The following PELP1 variants were observed in gnomAD, a reference collection of about 807,000 sequenced individuals.
PELP1 encodes proline-, glutamic acid- and leucine-rich protein 1.
PELP1 carries 32 observed loss-of-function variants against 95.5 expected under a neutral mutation model. That is an observed-to-expected ratio of 0.34 (90% CI 0.25 to 0.45). PELP1 has a LOEUF of 0.45. Ranked by LOEUF, PELP1 falls within the 20% of genes least tolerant of loss-of-function variation. PELP1 has a pLI of 1.00. For missense variants in PELP1, 1,358 were observed against 1,444.8 expected, an observed-to-expected ratio of 0.94 and a Z score of 0.97; for synonymous variants, 668 against 600.1, an observed-to-expected ratio of 1.11 and a Z score of -1.65.
rs978807448 is a variant in PELP1 at position 4,704,026 on chromosome 17, G to C, written c.86C>G (p.Ser29Trp). The change falls in exon 1 of 17, where the codon TCG becomes TGG. Residue 29 changes from serine to tryptophan, a missense_variant. Ser to Trp is a radical substitution (Grantham distance 177). Around this residue, in one of 7 missense-constraint regions of PELP1, gnomAD observed 169 missense variants for 134.9 expected, o/e 1.25. Transcript: ENST00000572293. ...CAGCAGCAGGCGGAGCCGCGGGCCC[G>C]AGCTCACTGCCGAGAGACCCCCGGT... The part of the protein sequence containing the change: ...GGTGGLSAVS[S>W]GPRLRLLLLE... 3 of 1,613,014 alleles carry C rather than the reference G, an allele frequency of 1.9e-6. No individual in the cohort carries two copies. Among genetic ancestry groups the C allele is most frequent in the Non-Finnish European group, 2.5e-6 (3 of 1,179,718 alleles).
chr17:4,703,706 C>T (rs1276646517), intron 1 of PELP1, among the ~76,000 whole-genome samples, 157 bp downstream of exon 1: 1 of 152,174 alleles, frequency 6.6e-6, no homozygotes, highest in Admixed American at 6.5e-5. Context: ...AGGAGAAATA[C>T]GTGCATCCCG....
intron 1 of PELP1, among the ~76,000 whole-genome samples, chr17:4,694,533 G>A (rs1032352630): frequency 1.0e-4 from 13 of 127,674 alleles, no homozygotes; most frequent in South Asian, 2.6e-4. Context: ...GGTGGCAGGC[G>A]CCTGTAATCC....
intron 4 of PELP1, 30 bp from the exon 5 acceptor site, chr17:4,682,603 G>A (rs746800427): frequency 6.4e-7 from 1 of 1,566,650 alleles, no homozygotes; most frequent in African/African-American, 1.4e-5. Flanking sequence ...AGAAACGAGA[G>A]GCTGCGAGCA....
intron 1 of PELP1, among the ~76,000 whole-genome samples, chr17:4,695,476 G>A (rs1364155803): frequency 6.6e-6 from 1 of 151,666 alleles, no homozygotes; most frequent in Non-Finnish European, 1.5e-5. Flanking sequence ...ACCAGCCTGG[G>A]CAACACAGAG....
intron 1 of PELP1, among the ~76,000 whole-genome samples, chr17:4,699,161 C>T (rs1310035796): frequency 2.6e-5 from 4 of 152,076 alleles, no homozygotes; most frequent in African/African-American, 7.2e-5. Context: ...GGGCGGATCA[C>T]GAGGTCAGGA....
rs72835643 is a variant in PELP1, at chr17:4,670,317, G to A, written c.*1122C>T. The A allele has an allele frequency of 0.17, 25,511 of 152,114 alleles. 2,581 individuals carry two copies. Among genetic ancestry groups the A allele is most frequent in the Middle Eastern group, 0.24 (71 of 294 alleles). 9.4% of individuals were successfully genotyped at this position (152,114 alleles called of 1,614,324 possible). Reference sequence around the variant, plus strand: ...CAACTGACTGAGCAAAAAAAACCACGGGGCCCCTAGTTCAAGCCCACCAAT... The same window carrying A: ...CAACTGACTGAGCAAAAAAAACCACAGGGCCCCTAGTTCAAGCCCACCAAT... On this transcript the variant is annotated 3_prime_UTR_variant, in exon 17 of 17. Transcript: ENST00000572293.
chr17:4,689,245 A>G (rs372608369), intron 3 of PELP1, among the ~76,000 whole-genome samples: 3 of 152,236 alleles, frequency 2.0e-5, no homozygotes, highest in African/African-American at 4.8e-5. Context: ...ATTCTAGAAG[A>G]TAACATCAGA....
chr17:4,671,583 A>G, intron 16 of PELP1, 52 bp from the exon 17 acceptor site: 1 of 1,610,410 alleles, frequency 6.2e-7, no homozygotes, highest in Non-Finnish European at 8.5e-7. Context: ...ACATACACAG[A>G]AGAATGGTTC....
chr17:4,674,728 C>G (rs1912384343), intron 12 of PELP1, 59 bp from the exon 13 acceptor site: 2 of 1,587,758 alleles, frequency 1.3e-6, no homozygotes, highest in East Asian at 2.2e-5. Context: ...AAGACAGCCA[C>G]AGCAGACAGT....
In PELP1 at chr17:4,675,722, C is replaced by T. The variant is rs1417326436; in HGVS notation, c.1068+75G>A. Reference sequence around the variant, plus strand: ...TCCAGGATGACACTGTTTGGGGAGACTCAGGTCCCCAGTACTTTCCTGGTT... The same window carrying T: ...TCCAGGATGACACTGTTTGGGGAGATTCAGGTCCCCAGTACTTTCCTGGTT... On this transcript the variant is annotated intron_variant, in intron 9 of 16. Transcript: ENST00000572293. This position sits in a 1 kb window ranked among gnomAD's most constrained non-coding sequence, Gnocchi z 4.3. 4 of 1,069,220 alleles carry T rather than the reference C, an allele frequency of 3.7e-6. No homozygotes were observed. The South Asian group carries it at 5.4e-5, about 14-fold the overall frequency. The allele number at this position is 1,069,220 out of a possible 1,614,324, so 66.2% of individuals were successfully genotyped here. A position where few individuals can be genotyped will look rare whatever the true frequency, so the allele number is the denominator to read the frequency against.
chr17:4,677,175 C>T (rs1912515990), intron 5 of PELP1, among the ~76,000 whole-genome samples: 1 of 152,086 alleles, frequency 6.6e-6, no homozygotes, highest in Non-Finnish European at 1.5e-5. Flanking sequence ...CACACAAAAA[C>T]GAGGGTCCAA....
rs747699527 is a variant in PELP1, at chr17:4,672,172, CCTT to C, written c.2816_2818del (p.Glu939del). ...CTCTTCTTCTTCTTCCTCTAACTCA[CCTT>C]CTTCTTCCTCAAATTCTTCCTCAAA... On this transcript the variant is annotated inframe_deletion, in exon 16 of 17. Coordinates refer to ENST00000572293, the MANE Select transcript of PELP1 (RefSeq NM_014389.3). 6.9e-5 allele frequency: 107 copies of C among 1,551,988 alleles called. 1 individual carries two copies. The highest frequency in any genetic ancestry group is 4.6e-4 in the South Asian group (39 of 84,060).
intron 13 of PELP1, among the ~76,000 whole-genome samples, chr17:4,674,172 C>T (rs1324525088): frequency 6.6e-6 from 1 of 152,226 alleles, no homozygotes; most frequent in East Asian, 1.9e-4. Flanking sequence ...ACGTGCTGAA[C>T]GCCGGAGGAA....
chr17:4,674,828 G>A lies in PELP1; in HGVS notation c.1403C>T (p.Pro468Leu), dbSNP rs1178449857. The change falls in exon 12 of 17, where the codon CCG becomes CTG. Residue 468 changes from proline to leucine, a missense_variant. By Grantham distance (98) the Pro-to-Leu change is moderately conservative. Transcript: ENST00000572293. ...LLTHLLSDIS[P>L]PADALKLRSP... is the part of the protein sequence containing the mutation. The stretch of plus-strand genomic sequence containing the variant: ...CCTCACCTTAAGGGCATCAGCTGGC[G>A]GGGAGATGTCGCTGAGCAGGTGGGT... The A allele has an allele frequency of 5.3e-5, 85 of 1,612,374 alleles. No individual in the cohort carries two copies. Among genetic ancestry groups the A allele is most frequent in the Non-Finnish European group, 6.7e-5 (79 of 1,179,182 alleles).
At chr17:4,702,276 G>T (rs998077797) in intron 1 of PELP1, among the ~76,000 whole-genome samples, 7 of 152,018 alleles carry the variant, frequency 4.6e-5, no homozygotes, top group Non-Finnish European at 7.4e-5. Flanking sequence ...AAAATTAGCC[G>T]GGCATGGTGG....
At chr17:4,701,215 A>G (rs1163471451) in intron 1 of PELP1, among the ~76,000 whole-genome samples, 1 of 152,192 alleles carries the variant, frequency 6.6e-6, no homozygotes, top group African/African-American at 2.4e-5. Flanking sequence ...GAAATAAATA[A>G]ACAGACAGTA....
At position 4,672,141 on chromosome 17, in the gene PELP1, A is replaced by T; in HGVS notation, c.2850T>A (p.Asp950Glu). Residue 950 changes from aspartate to glutamate, a missense_variant, in exon 16 of 17, where the codon GAT (aspartate) becomes GAA (glutamate). Physicochemically the swap from Asp to Glu is conservative, Grantham distance 45. This residue lies in a region of PELP1 where 283 missense variants were observed against 284.1 expected (regional missense o/e 1.00). Transcript: ENST00000572293. ...CTTCCAGTTCTTCTTCCTCCTCCTC[A>T]TCCTCCTCTTCTTCTTCTTCCTCTA... ...GELEEEEEEE[D>E]EEEEEELEEV... is the part of the protein sequence containing the mutation. 6.4e-7 allele frequency: 1 copy of T among 1,550,430 alleles called. No homozygotes were observed. The highest frequency in any genetic ancestry group is 8.7e-7 in the Non-Finnish European group (1 of 1,146,688).
intron 1 of PELP1, among the ~76,000 whole-genome samples, chr17:4,698,008 G>GCTT (rs1223259169): frequency 2.3e-4 from 31 of 133,590 alleles, no homozygotes; most frequent in African/African-American, 8.4e-4. Flanking sequence ...TTTCTGCAAG[G>GCTT]TTTTTTTTTT....
intron 3 of PELP1, among the ~76,000 whole-genome samples, chr17:4,684,114 A>C (rs9899713): frequency 0.98 from 148,704 of 152,076 alleles, 72,787 homozygotes; most frequent in Middle Eastern, 1. Flanking sequence ...CTTCCTTAGA[A>C]AATTAATATG....
Sources: allele counts gnomAD v4.1 joint callset (sites outside exome capture counted in the v4.1 genomes callset), GRCh38; gene constraint gnomAD v4.1.1; regional missense constraint gnomAD v4.1.1; non-coding constraint Gnocchi (gnomAD v3.1); transcripts MANE v1.5; gene names NCBI Gene and HGNC (gene_info 2026-07-23, HGNC 2026-07-21).